The following ALDH1A3 variants were observed in gnomAD, a reference collection of about 807,000 sequenced individuals.
ALDH1A3 encodes the protein aldehyde dehydrogenase 1 family member A3.
A neutral mutation model predicts 57.5 loss-of-function variants in ALDH1A3; 28 were observed. The observed-to-expected ratio is 0.49, with a 90% CI of 0.36 to 0.67. The LOEUF (loss-of-function observed/expected upper bound fraction) is 0.67. ALDH1A3 is among the 30% of genes least tolerant of loss of function. The pLI is 0.00. For missense variants in ALDH1A3, 507 were observed against 669.4 expected (o/e 0.76, Z 2.68); for synonymous variants, 281 against 264.8 (o/e 1.06, Z -0.59).
rs144592038 is a variant in ALDH1A3 at position 100,891,899 on chromosome 15, C to G, written c.346-611C>G. On this transcript the variant is annotated intron_variant, in intron 3 of 12. Coordinates refer to ENST00000329841, the MANE Select transcript of ALDH1A3 (RefSeq NM_000693.4). ...CCCTCACCAGCAGGGCAGTCTGCTC[C>G]CTTCCGACTCTGCATCCGGCCGGCC... Among the ~76,000 whole-genome samples, 637 of 152,354 alleles carry G rather than the reference C, an allele frequency of 4.2e-3. 3 individuals are homozygous for G. The highest frequency in any genetic ancestry group is 0.015 in the South Asian group (74 of 4,828).
chr15:100,908,020 T>C (rs1046782775), intron 11 of ALDH1A3, among the ~76,000 whole-genome samples: 13 of 151,938 alleles, frequency 8.6e-5, no homozygotes. Flanking sequence ...AGCTAATTTT[T>C]GTATTTTTAG....
At chr15:100,898,479 G>A (rs1440477449) in intron 8 of ALDH1A3, among the ~76,000 whole-genome samples, 1 of 152,242 alleles carries the variant, frequency 6.6e-6, no homozygotes, top group East Asian at 1.9e-4. Flanking sequence ...TTACCTGCCT[G>A]TTCCTGCAGA....
At chr15:100,910,884 G>A (rs183795572) in intron 12 of ALDH1A3, among the ~76,000 whole-genome samples, 95 of 152,280 alleles carry the variant, frequency 6.2e-4, no homozygotes, top group African/African-American at 2.2e-3. Context: ...CCCAATCCCT[G>A]GTGTGTACTG....
At chr15:100,885,601 G>A (rs139183148) in intron 2 of ALDH1A3, among the ~76,000 whole-genome samples, 6 of 151,958 alleles carry the variant, frequency 3.9e-5, no homozygotes, top group African/African-American at 1.2e-4. Flanking sequence ...CTCCTACTAT[G>A]AGGATGACCT....
In ALDH1A3 at chr15:100,886,296, G is replaced by A. The variant is rs1014510306; in HGVS notation, c.204+925G>A. ...AGAGGAGCTCATAGAAAAATGTGAG[G>A]GCATTGGGGGGAAGCCATGACATGG... On this transcript the variant is annotated intron_variant, in intron 2 of 12. Transcript: ENST00000329841. Among the ~76,000 whole-genome samples, 6 of 152,320 alleles carry A rather than the reference G, an allele frequency of 3.9e-5. No homozygotes were observed. In the East Asian group the frequency reaches 5.8e-4, roughly 15 times the overall value.
chr15:100,914,464 C>T (rs910934729), intron 12 of ALDH1A3: 1 of 417,694 alleles, frequency 2.4e-6, no homozygotes, highest in African/African-American at 2.0e-5. Flanking sequence ...TAGTCCTGGC[C>T]ATTTCAAAAG....
intron 7 of ALDH1A3, among the ~76,000 whole-genome samples, chr15:100,896,877 A>G (rs2041709759): frequency 6.6e-6 from 1 of 152,170 alleles, no homozygotes; most frequent in South Asian, 2.1e-4. Context: ...ATATTTTCCC[A>G]TTCGTAGAGG....
At chr15:100,892,675 C>T (rs2041662059) in intron 4 of ALDH1A3, 36 bp downstream of exon 4, 1 of 1,582,122 alleles carries the variant, frequency 6.3e-7, no homozygotes, top group Non-Finnish European at 8.6e-7. Context: ...TTTGGGATCC[C>T]TTTGGGGCTA....
At position 100,893,037 on chromosome 15, in the gene ALDH1A3, T is replaced by C; in HGVS notation, c.537+31T>C. The C allele has an allele frequency of 6.3e-7, 1 of 1,596,362 alleles. No individual in the cohort carries two copies. The highest frequency in any genetic ancestry group is 8.6e-7 in the Non-Finnish European group (1 of 1,166,180). The stretch of plus-strand genomic sequence containing the variant: ...TATGGCAGCCTTTCTCAGTAGATTC[T>C]ATGTAGATCCTGCCCCACTGCCCTG... On this transcript the variant is annotated intron_variant, in intron 5 of 12. Coordinates refer to ENST00000329841, the MANE Select transcript of ALDH1A3 (RefSeq NM_000693.4). This position sits in a 1 kb window ranked among gnomAD's most constrained non-coding sequence, Gnocchi z 4.8.
In ALDH1A3 at chr15:100,887,741, G is replaced by T. The variant is rs752131002; in HGVS notation, c.345+29G>T. 1.9e-6 allele frequency: 3 copies of T among 1,557,054 alleles called. No homozygotes were observed. In the African/African-American group the frequency reaches 4.1e-5, roughly 21 times the overall value. On this transcript the variant is annotated intron_variant, in intron 3 of 12. Coordinates refer to ENST00000329841, the MANE Select transcript of ALDH1A3 (RefSeq NM_000693.4). The surrounding 1 kb of genome is among the most constrained non-coding windows in gnomAD (Gnocchi z 4.6). ...AGTACATGCACTTGGGGGCCGGTGG[G>T]GGATGAGCCAGCCTCACTGAGGGTC...
chr15:100,911,993 G>T (rs1474631551), intron 12 of ALDH1A3, among the ~76,000 whole-genome samples: 1 of 152,162 alleles, frequency 6.6e-6, no homozygotes, highest in Non-Finnish European at 1.5e-5. Context: ...GCATACAATG[G>T]ATTTATATAT....
At chr15:100,885,237 C>G in intron 1 of ALDH1A3, 30 bp from the exon 2 acceptor site, 1 of 1,479,652 alleles carries the variant, frequency 6.8e-7, no homozygotes, top group Non-Finnish European at 9.5e-7. Flanking sequence ...TGATCTAAAC[C>G]TAATTGGTTA....
rs2041728254 is a variant in ALDH1A3 at position 100,898,158 on chromosome 15, C to G, written c.856C>G (p.Pro286Ala). The G allele has an allele frequency of 6.2e-7, 1 of 1,614,104 alleles. No individual in the cohort carries two copies. Among genetic ancestry groups the G allele is most frequent in the Non-Finnish European group, 8.5e-7 (1 of 1,179,972 alleles). ...GACGCTGGAGCTGGGGGGGAAGAAC[C>G]CCTGCATCGTGTGTGCGGACGCTGA... is the stretch of plus-strand genomic sequence containing the variant. ...RVTLELGGKNPCIVCADADLD... is the reference protein window; with the variant it reads ...RVTLELGGKNACIVCADADLD... Residue 286 changes from proline (P) to alanine (A), a missense_variant, in exon 8 of 13, where the codon CCC becomes GCC. Around this residue, in one of 2 missense-constraint regions of ALDH1A3, gnomAD observed 432 missense variants for 608.4 expected, o/e 0.71. Coordinates refer to ENST00000329841, the MANE Select transcript of ALDH1A3 (RefSeq NM_000693.4).
intron 6 of ALDH1A3, chr15:100,895,377 G>A (rs1163433603): frequency 6.6e-6 from 1 of 151,806 alleles, no homozygotes; most frequent in African/African-American, 2.4e-5. Flanking sequence ...GTGAACCTGG[G>A]AGGCGGAGCT....
In ALDH1A3 at chr15:100,906,180, A is replaced by C. The variant is rs1018688915; in HGVS notation, c.1233+493A>C. ...GGAATTTTTATTGACATTTTCCACC[A>C]CGGACGTCTTGAAAATGAGGGAAAT... On this transcript the variant is annotated intron_variant, in intron 10 of 12. Transcript: ENST00000329841. This position sits in a 1 kb window ranked among gnomAD's most constrained non-coding sequence, Gnocchi z 4.8. 6.6e-6 allele frequency among the ~76,000 whole-genome samples: 1 copy of C among 152,180 alleles called. No individual in the cohort carries two copies. Among genetic ancestry groups the C allele is most frequent in the Non-Finnish European group, 1.5e-5 (1 of 68,042 alleles).
rs141807607 is a variant in ALDH1A3, at chr15:100,895,974, C to G, written c.708C>G (p.Phe236Leu). ...GAGTGGTGAACATTGTGCCAGGATT[C>G]GGGCCCACAGTGGGAGCAGCAATTT... The part of the protein sequence containing the change: ...PPGVVNIVPG[F>L]GPTVGAAISS... The change falls in exon 7 of 13, where the codon TTC becomes TTG. Residue 236 changes from phenylalanine to leucine, a missense_variant. By Grantham distance (22) the Phe-to-Leu change is conservative. Transcript: ENST00000329841. 2.3e-5 allele frequency: 37 copies of G among 1,613,566 alleles called. No homozygotes were observed. The highest frequency in any genetic ancestry group is 3.1e-5 in the Non-Finnish European group (36 of 1,179,842).
At chr15:100,891,107 G>T (rs2041644686) in intron 3 of ALDH1A3, among the ~76,000 whole-genome samples, 1 of 152,226 alleles carries the variant, frequency 6.6e-6, no homozygotes, top group South Asian at 2.1e-4. Context: ...ATGATAGTCA[G>T]TGTAATCATC....
chr15:100,893,878 C>A lies in ALDH1A3; in HGVS notation c.538-76C>A, dbSNP rs1033446269. On this transcript the variant is annotated intron_variant, in intron 5 of 12. Transcript: ENST00000329841. The surrounding 1 kb of genome is among the most constrained non-coding windows in gnomAD (Gnocchi z 4.8). The stretch of plus-strand genomic sequence containing the variant: ...GACCATGAAAAGCAAGTGTCCTCCA[C>A]AAAGGCATCGTTGAGCACATGGGAC... 1 of 1,548,936 alleles carries A rather than the reference C, an allele frequency of 6.5e-7. No individual in the cohort carries two copies. The highest frequency in any genetic ancestry group is 1.4e-5 in the African/African-American group (1 of 72,766).
At chr15:100,903,378 G>GAATATGGATCA (rs1371227121) in intron 9 of ALDH1A3, among the ~76,000 whole-genome samples, 1 of 152,284 alleles carries the variant, frequency 6.6e-6, no homozygotes, top group East Asian at 1.9e-4. Flanking sequence ...ACCAGTCCAT[G>GAATATGGATCA]GGAACCTGCC....
Sources: allele counts gnomAD v4.1 joint callset (sites outside exome capture counted in the v4.1 genomes callset), GRCh38; gene constraint gnomAD v4.1.1; regional missense constraint gnomAD v4.1.1; non-coding constraint Gnocchi (gnomAD v3.1); transcripts MANE v1.5; gene names NCBI Gene and HGNC (gene_info 2026-07-23, HGNC 2026-07-21).